Variants in SLX9 observed in about 807,000 individuals in gnomAD.
SLX9 encodes ribosome biogenesis protein SLX9 homolog.
A neutral mutation model predicts 20.8 loss-of-function variants in SLX9; 19 were observed. The observed-to-expected ratio is 0.91, with a 90% CI of 0.64 to 1.34. The LOEUF (loss-of-function observed/expected upper bound fraction) is 1.34, where lower values mean the gene tolerates loss of function less well. Ranked by LOEUF, SLX9 falls within the 40% of genes most tolerant of loss-of-function variation. SLX9 has a pLI of 0.00. For missense variants in SLX9, 299 were observed against 322.2 expected (o/e 0.93, Z 0.55); for synonymous variants, 113 against 137.1 (o/e 0.82, Z 1.23).
intron 2 of SLX9, among the ~76,000 whole-genome samples, chr21:44,951,795 G>A (rs976394529): frequency 3.9e-5 from 6 of 152,252 alleles, no homozygotes; most frequent in Non-Finnish European, 5.9e-5. Flanking sequence ...CCGGGGCGGG[G>A]CATCTCAGGA....
chr21:44,967,386 C>T (rs941218055), intron 4 of SLX9, among the ~76,000 whole-genome samples: 1 of 152,166 alleles, frequency 6.6e-6, no homozygotes, highest in Non-Finnish European at 1.5e-5. Context: ...GGGGACGTTT[C>T]GGGGGCACCC....
intron 5 of SLX9, 104 bp downstream of exon 5, chr21:44,973,369 C>T: frequency 3.8e-6 from 3 of 790,800 alleles, no homozygotes; most frequent in Non-Finnish European, 6.2e-6. Flanking sequence ...CCCCGCCCAC[C>T]CTCTCCAGGG....
intron 2 of SLX9, among the ~76,000 whole-genome samples, chr21:44,952,990 T>C (rs1459148277): frequency 6.6e-6 from 1 of 152,072 alleles, no homozygotes; most frequent in East Asian, 1.9e-4. Flanking sequence ...GCCACTGTAT[T>C]CTGGGTGTGG....
chr21:44,971,918 G>A (rs920525599), intron 4 of SLX9, among the ~76,000 whole-genome samples: 3 of 152,184 alleles, frequency 2.0e-5, no homozygotes, highest in African/African-American at 4.8e-5. Flanking sequence ...GGCTTTGAGC[G>A]GGCAGAGGGG....
At chr21:44,956,380 C>T (rs748006696) in intron 2 of SLX9, among the ~76,000 whole-genome samples, 3 of 152,086 alleles carry the variant, frequency 2.0e-5, no homozygotes, top group Non-Finnish European at 2.9e-5. Flanking sequence ...TAGAGTGAGA[C>T]GGATGATTCC....
intron 3 of SLX9, among the ~76,000 whole-genome samples, chr21:44,965,775 G>A (rs1478701661): frequency 6.6e-6 from 1 of 152,148 alleles, no homozygotes; most frequent in Non-Finnish European, 1.5e-5. Flanking sequence ...GTCCTCACGG[G>A]AACCACATGC....
intron 4 of SLX9, among the ~76,000 whole-genome samples, chr21:44,968,254 C>G (rs902445983): frequency 6.6e-6 from 1 of 151,828 alleles, no homozygotes; most frequent in East Asian, 1.9e-4. Context: ...TGACGCAACC[C>G]CCAGTGACAC....
intron 4 of SLX9, among the ~76,000 whole-genome samples, chr21:44,972,131 G>A (rs987612127): frequency 6.7e-6 from 1 of 149,172 alleles, no homozygotes; most frequent in African/African-American, 2.6e-5. Flanking sequence ...CTAAGTGTAG[G>A]GCTGGTCTGA....
At chr21:44,965,074 T>C (rs893946626) in intron 3 of SLX9, among the ~76,000 whole-genome samples, 2 of 152,280 alleles carry the variant, frequency 1.3e-5, no homozygotes, top group African/African-American at 4.8e-5. Context: ...ACTTTCTTGT[T>C]GCTTGTTCTT....
intron 3 of SLX9, among the ~76,000 whole-genome samples, chr21:44,966,433 G>A (rs2085037009): frequency 6.6e-6 from 1 of 152,240 alleles, no homozygotes; most frequent in African/African-American, 2.4e-5. Flanking sequence ...GTCCGAGCAT[G>A]TGTTCTCTTA....
At chr21:44,973,013 C>T (rs1293245366) in intron 4 of SLX9, 184 bp from the exon 5 acceptor site, 1 of 708,954 alleles carries the variant, frequency 1.4e-6, no homozygotes. Flanking sequence ...CAGGCAGTTG[C>T]ACTGCTTGTC....
intron 2 of SLX9, among the ~76,000 whole-genome samples, chr21:44,946,504 C>T (rs1324128399): frequency 1.3e-5 from 2 of 152,216 alleles, no homozygotes; most frequent in Non-Finnish European, 2.9e-5. Context: ...TGGGGAGGCA[C>T]TTAGTGCTTC....
intron 2 of SLX9, among the ~76,000 whole-genome samples, chr21:44,951,914 G>A (rs2084765326): frequency 6.7e-6 from 1 of 148,638 alleles, no homozygotes; most frequent in Admixed American, 6.6e-5. Context: ...CACAGAGACT[G>A]GCCCAGGCGG....
chr21:44,939,795 C>T, upstream of SLX9: 1 of 555,344 alleles, frequency 1.8e-6, no homozygotes. Context: ...GGGCTTGGGT[C>T]CCCCACGATC....
At chr21:44,975,103 C>G (rs111977677) in intron 5 of SLX9, among the ~76,000 whole-genome samples, 2,498 of 152,340 alleles carry the variant, frequency 0.016, 37 homozygotes, top group Middle Eastern at 0.041. Context: ...AGCCAGAGGT[C>G]TGTTCCCTTT....
intron 2 of SLX9, among the ~76,000 whole-genome samples, chr21:44,946,461 C>T (rs189203423): frequency 6.6e-6 from 1 of 151,058 alleles, no homozygotes; most frequent in Admixed American, 6.5e-5. Context: ...GCGGCAGGGT[C>T]AGGGTTTTGG....
intron 1 of SLX9, 107 bp downstream of exon 1, chr21:44,940,293 C>T: frequency 8.5e-7 from 1 of 1,181,300 alleles, no homozygotes; most frequent in Non-Finnish European, 1.0e-6. Context: ...TTCCCTCGGG[C>T]TCTGCGGGCA....
chr21:44,951,844 G>T (rs1194912339), intron 2 of SLX9, among the ~76,000 whole-genome samples: 6 of 152,100 alleles, frequency 3.9e-5, no homozygotes, highest in Non-Finnish European at 8.8e-5. Flanking sequence ...AGCCCTTGCT[G>T]CTCTTTGTCC....
chr21:44,955,876 C>T (rs550780721), intron 2 of SLX9, among the ~76,000 whole-genome samples: 1 of 152,336 alleles, frequency 6.6e-6, no homozygotes, highest in African/African-American at 2.4e-5. Context: ...CTGATCCAGT[C>T]TGATGAACGT....
Sources: gnomAD v4.1 joint callset for allele counts (sites outside exome capture counted in the v4.1 genomes callset) on GRCh38, gnomAD v4.1.1 for gene constraint, MANE v1.5 for transcripts, NCBI Gene and HGNC (gene_info 2026-07-23, HGNC 2026-07-21) for gene names.